NAV3: variants seen among roughly 807,000 people sequenced by gnomAD.
NAV3 encodes the protein pore membrane and/or filament interacting like protein 1.
Under a neutral mutation model 244.7 loss-of-function variants are expected in NAV3, and 87 were observed. The observed-to-expected ratio is 0.36, with a 90% CI of 0.30 to 0.42. The LOEUF is 0.42. Among genes scored for constraint, NAV3 ranks in the 20% least tolerant of loss-of-function variants. The probability of loss-of-function intolerance (pLI) is 1.00; values close to 1 mark genes in which losing one functional copy is unlikely to be tolerated. For missense variants in NAV3, 2,663 were observed against 2,893.3 expected (o/e 0.92, Z 1.83); for synonymous variants, 1,126 against 1,042.2 (o/e 1.08, Z -1.55).
chr12:77,844,211 C>T (rs1876227295), intron 1 of NAV3, among the ~76,000 whole-genome samples: 1 of 152,162 alleles, frequency 6.6e-6, no homozygotes. Flanking sequence ...GCTAACTCTG[C>T]TTCCAAAATG....
intron 2 of NAV3, 45 bp from the exon 3 acceptor site, chr12:77,941,036 A>T: frequency 8.1e-7 from 1 of 1,230,356 alleles, no homozygotes; most frequent in Non-Finnish European, 1.2e-6. Context: ...TTGCTTAAGC[A>T]TGTCGTTCTT....
intron 11 of NAV3, among the ~76,000 whole-genome samples, chr12:78,056,936 T>C (rs994417678): frequency 1.3e-5 from 2 of 152,222 alleles, no homozygotes; most frequent in African/African-American, 4.8e-5. Flanking sequence ...AGTTTCATTT[T>C]TTTCCATGTA....
At chr12:77,655,104 A>G (rs1343666257) in intron 2 of NAV3, among the ~76,000 whole-genome samples, 5 of 152,246 alleles carry the variant, frequency 3.3e-5, no homozygotes, top group Admixed American at 2.0e-4. Context: ...ACAAAGCTGG[A>G]CGGAGAATGA....
chr12:77,993,339 A>G (rs910417052), intron 5 of NAV3, among the ~76,000 whole-genome samples: 7 of 152,208 alleles, frequency 4.6e-5, no homozygotes, highest in African/African-American at 1.4e-4. Flanking sequence ...AATTTCACAA[A>G]AGGCTTTTCC....
intron 24 of NAV3, among the ~76,000 whole-genome samples, chr12:78,172,505 A>G (rs1272617169): frequency 6.6e-6 from 1 of 151,596 alleles, no homozygotes; most frequent in Non-Finnish European, 1.5e-5. Flanking sequence ...GAAGCTGAAC[A>G]TGTATACCCA....
At position 78,007,255 on chromosome 12, in the gene NAV3, A is replaced by G; in HGVS notation, c.1717A>G (p.Lys573Glu). ...CTTATCTAAGCCTATAACCATGGAG[A>G]AAGCAAGTGCTTCTAGTTGTCCTGC... is the stretch of plus-strand genomic sequence containing the variant. ...QSLSKPITME[K>E]ASASSCPAPL... Residue 573 changes from lysine (K) to glutamate (E), a missense_variant, in exon 8 of 40, where the codon AAA becomes GAA. Physicochemically the swap from Lys to Glu is moderately conservative, Grantham distance 56 (BLOSUM62 1). Coordinates refer to ENST00000397909, the MANE Select transcript of NAV3 (RefSeq NM_001024383.2). 1 of 1,614,168 alleles carries G rather than the reference A, an allele frequency of 6.2e-7. No homozygotes were observed. The highest frequency in any genetic ancestry group is 8.5e-7 in the Non-Finnish European group (1 of 1,180,016).
At chr12:77,961,184 T>G (rs1035985146) in intron 3 of NAV3, among the ~76,000 whole-genome samples, 2 of 143,404 alleles carry the variant, frequency 1.4e-5, no homozygotes, top group Non-Finnish European at 3.0e-5. Flanking sequence ...AAGACATATT[T>G]GCAATATATA....
intron 2 of NAV3, among the ~76,000 whole-genome samples, chr12:77,664,621 T>C (rs1873632222): frequency 6.6e-6 from 1 of 152,200 alleles, no homozygotes; most frequent in Admixed American, 6.5e-5. Flanking sequence ...AACTCCTAAG[T>C]CATGAATTCT....
intron 30 of NAV3, among the ~76,000 whole-genome samples, chr12:78,184,599 A>G (rs1958635845): frequency 6.6e-6 from 1 of 151,834 alleles, no homozygotes; most frequent in Non-Finnish European, 1.5e-5. Context: ...GCTTACTTTC[A>G]AAATTACATA....
At chr12:77,774,492 G>C (rs1870251157) in intron 2 of NAV3, among the ~76,000 whole-genome samples, 2 of 152,236 alleles carry the variant, frequency 1.3e-5, no homozygotes, top group South Asian at 4.2e-4. Flanking sequence ...AAATGAGACA[G>C]GGTATACATG....
At chr12:77,913,434 G>A (rs552446404) in intron 1 of NAV3, among the ~76,000 whole-genome samples, 3 of 152,040 alleles carry the variant, frequency 2.0e-5, no homozygotes, top group Non-Finnish European at 4.4e-5. Context: ...TAAACTAGGC[G>A]TTATTCTTTT....
chr12:78,166,212 C>A (rs150744152), intron 23 of NAV3, among the ~76,000 whole-genome samples: 120 of 151,830 alleles, frequency 7.9e-4, no homozygotes, highest in African/African-American at 2.7e-3. Context: ...GACATTTTAC[C>A]ATGGCTTTTA....
At position 78,160,378 on chromosome 12, in the gene NAV3, A is replaced by AGTGTGTGTGTGTGTGTGTGT. The variant is rs10628612; in HGVS notation, c.4869+1094_4869+1113dup. ...AGGTGAAACCTATAGAATTCTATGG[A>AGTGTGTGTGTGTGTGTGTGT]GTGTGTGTGTGTGTGTGTGTGCGTG... On this transcript the variant is annotated intron_variant, in intron 23 of 39. Transcript: ENST00000397909. 3.7e-3 allele frequency among the ~76,000 whole-genome samples: 490 copies of AGTGTGTGTGTGTGTGTGTGT among 133,948 alleles called. 1 individual carries two copies. Among genetic ancestry groups the AGTGTGTGTGTGTGTGTGTGT allele is most frequent in the East Asian group, 9.3e-3 (36 of 3,880 alleles). 87.9% of individuals were successfully genotyped at this position (133,948 alleles called of 152,430 possible). A position where few individuals can be genotyped will look rare whatever the true frequency, so the allele number is the denominator to read the frequency against.
chr12:77,911,596 T>C (rs1886596672), intron 1 of NAV3, among the ~76,000 whole-genome samples: 1 of 152,118 alleles, frequency 6.6e-6, no homozygotes, highest in Admixed American at 6.5e-5. Context: ...ATTCTGGCAA[T>C]GCTTCTTTAA....
intron 1 of NAV3, among the ~76,000 whole-genome samples, chr12:77,894,031 C>T (rs987321842): frequency 2.0e-5 from 3 of 152,098 alleles, no homozygotes; most frequent in African/African-American, 4.8e-5. Flanking sequence ...ACTCCTTGAC[C>T]CTTACCTGGT....
rs562666150 is a variant in NAV3 at position 77,800,828 on chromosome 12, T to C, written c.73-139491T>C. On this transcript the variant is annotated intron_variant, in intron 2 of 8. Coordinates refer to the NAV3 transcript ENST00000550042. ...AACTCCTCATTTCTTTCTATGCTTT[T>C]TTTTGAAAGATAAATGCTAGCAATT... 7.8e-4 allele frequency among the ~76,000 whole-genome samples: 119 copies of C among 152,262 alleles called. 1 individual carries two copies. The highest frequency in any genetic ancestry group is 2.7e-3 in the African/African-American group (111 of 41,582).
At chr12:77,662,403 A>T (rs1454972155) in intron 2 of NAV3, among the ~76,000 whole-genome samples, 1 of 152,040 alleles carries the variant, frequency 6.6e-6, no homozygotes, top group East Asian at 1.9e-4. Context: ...TTACATTCTC[A>T]GATTATTCAA....
chr12:77,960,879 TGATA>T (rs946405603), intron 3 of NAV3, among the ~76,000 whole-genome samples: 8 of 146,734 alleles, frequency 5.5e-5, no homozygotes, highest in Non-Finnish European at 1.0e-4. Flanking sequence ...AATAATATAT[TGATA>T]TTTAATATGA....
intron 12 of NAV3, among the ~76,000 whole-genome samples, chr12:78,070,329 C>T: frequency 6.6e-6 from 1 of 151,158 alleles, no homozygotes; most frequent in East Asian, 1.9e-4. Context: ...ATGCAATGCA[C>T]AAGAGACTGA....
Sources: gnomAD v4.1 joint callset for allele counts (sites outside exome capture counted in the v4.1 genomes callset) on GRCh38, gnomAD v4.1.1 for gene constraint, MANE v1.5 for transcripts, NCBI Gene and HGNC (gene_info 2026-07-23, HGNC 2026-07-21) for gene names.